Variants in ARHGAP42 observed in about 807,000 individuals in gnomAD.
ARHGAP42 encodes Rho GTPase activating protein 42.
In ARHGAP42, 63 loss-of-function variants were observed where a neutral mutation model predicts 125.0. The ratio of observed to expected loss-of-function variants is 0.50; its 90% CI spans 0.41 to 0.62. The LOEUF (loss-of-function observed/expected upper bound fraction) is 0.62. Ranked by LOEUF, ARHGAP42 falls within the 20% of genes least tolerant of loss-of-function variation. ARHGAP42 has a pLI of 0.00. For missense variants in ARHGAP42, 766 were observed against 1,024.2 expected, an observed-to-expected ratio of 0.75 and a Z score of 3.44; for synonymous variants, 339 against 351.0, an observed-to-expected ratio of 0.97 and a Z score of 0.38.
intron 1 of ARHGAP42, among the ~76,000 whole-genome samples, chr11:100,754,635 G>T (rs1302963916): frequency 6.6e-6 from 1 of 152,130 alleles, no homozygotes; most frequent in African/African-American, 2.4e-5. Context: ...TTTTTAAAAA[G>T]AATGCTGTTT....
intron 2 of ARHGAP42, among the ~76,000 whole-genome samples, chr11:100,789,253 GCTTTTATAGA>G (rs1234686542): frequency 2.0e-5 from 3 of 152,150 alleles, no homozygotes; most frequent in Non-Finnish European, 4.4e-5. Context: ...GTTCAATCTG[GCTTTTATAGA>G]CTTCTATAGA....
At chr11:100,699,506 ATTTTTTTTTTTTT>A (rs869243290) in intron 1 of ARHGAP42, among the ~76,000 whole-genome samples, 462 of 31,466 alleles carry the variant, frequency 0.015, 3 homozygotes, top group Middle Eastern at 0.053. Context: ...ATATATATAT[ATTTTTTTTTTTTT>A]TTTTTTTTTT....
At chr11:100,909,255 T>A (rs1203590125) in intron 4 of ARHGAP42, among the ~76,000 whole-genome samples, 1 of 152,052 alleles carries the variant, frequency 6.6e-6, no homozygotes, top group African/African-American at 2.4e-5. Flanking sequence ...ATTTTTTGTT[T>A]GTGTTGCATT....
At chr11:100,909,164 T>G (rs928828326) in intron 4 of ARHGAP42, among the ~76,000 whole-genome samples, 12 of 152,194 alleles carry the variant, frequency 7.9e-5, no homozygotes, top group African/African-American at 2.7e-4. Flanking sequence ...TGCAAATACT[T>G]TCTCCCATTC....
At chr11:100,876,003 G>C (rs191244721) in intron 4 of ARHGAP42, among the ~76,000 whole-genome samples, 9 of 149,798 alleles carry the variant, frequency 6.0e-5, no homozygotes, top group Admixed American at 2.7e-4. Flanking sequence ...AATATAAAAT[G>C]CTTAACTCTT....
intron 2 of ARHGAP42, among the ~76,000 whole-genome samples, chr11:100,779,135 G>T (rs1863204549): frequency 6.6e-6 from 1 of 151,960 alleles, no homozygotes; most frequent in Non-Finnish European, 1.5e-5. Context: ...TAGAATTTTA[G>T]AGCCTTATAT....
At chr11:100,977,310 C>G (rs1858419129) in intron 21 of ARHGAP42, among the ~76,000 whole-genome samples, 1 of 152,206 alleles carries the variant, frequency 6.6e-6, no homozygotes, top group African/African-American at 2.4e-5. Flanking sequence ...ATCCATCTCT[C>G]CGCTGAAGAG....
intron 5 of ARHGAP42, among the ~76,000 whole-genome samples, chr11:100,920,713 T>C (rs1321510685): frequency 6.6e-6 from 1 of 152,174 alleles, no homozygotes; most frequent in Non-Finnish European, 1.5e-5. Flanking sequence ...TCAGTAATAC[T>C]CTCTCATACT....
intron 2 of ARHGAP42, among the ~76,000 whole-genome samples, chr11:100,785,911 A>G (rs1224080999): frequency 6.6e-6 from 1 of 152,178 alleles, no homozygotes; most frequent in Non-Finnish European, 1.5e-5. Flanking sequence ...GGGAGAGAAC[A>G]GACTTTGGAA....
chr11:100,953,816 A>G (rs525940), intron 12 of ARHGAP42, among the ~76,000 whole-genome samples: 132,944 of 151,748 alleles, frequency 0.88, 58,247 homozygotes, highest in East Asian at 1. Flanking sequence ...TGCAATATCC[A>G]TGAAATTGTA....
chr11:100,889,259 A>G (rs994977645), intron 4 of ARHGAP42, among the ~76,000 whole-genome samples: 1 of 152,234 alleles, frequency 6.6e-6, no homozygotes, highest in African/African-American at 2.4e-5. Context: ...TCTCCAATGC[A>G]GTAATGTTGA....
intron 4 of ARHGAP42, among the ~76,000 whole-genome samples, chr11:100,889,494 C>T (rs528990264): frequency 1.3e-5 from 2 of 152,220 alleles, no homozygotes; most frequent in South Asian, 2.1e-4. Flanking sequence ...TCTTGGACTT[C>T]TCACTTCCCA....
intron 8 of ARHGAP42, among the ~76,000 whole-genome samples, chr11:100,938,335 G>A (rs907169665): frequency 6.6e-6 from 1 of 152,002 alleles, no homozygotes; most frequent in African/African-American, 2.4e-5. Flanking sequence ...CTTCTAAAAT[G>A]CTTCTTTGGT....
chr11:100,992,686 G>C lies in ARHGAP42; in HGVS notation c.*3885G>C. The C allele has an allele frequency of 6.3e-7, 1 of 1,585,958 alleles. No individual in the cohort carries two copies. The highest frequency in any genetic ancestry group is 1.2e-5 in the South Asian group (1 of 85,896). On this transcript the variant is annotated 3_prime_UTR_variant, in exon 24 of 24. Transcript: ENST00000298815. ...TTGGTAATAACGTTGGGAAAATGCA[G>C]GTTTATGAATGATGTGGACTTTTAG...
chr11:100,803,801 A>T (rs1263839792), intron 3 of ARHGAP42, among the ~76,000 whole-genome samples: 2 of 152,074 alleles, frequency 1.3e-5, no homozygotes, highest in Admixed American at 6.5e-5. Flanking sequence ...TTTCTTGGCT[A>T]TATCTTTGTC....
At chr11:100,790,363 G>A (rs1326165676) in intron 2 of ARHGAP42, among the ~76,000 whole-genome samples, 1 of 151,762 alleles carries the variant, frequency 6.6e-6, no homozygotes. Context: ...TGTTCTGAAA[G>A]TGTTTTTCCA....
intron 1 of ARHGAP42, among the ~76,000 whole-genome samples, chr11:100,769,709 CTTCTTTTTTTTT>C (rs1565206280): frequency 3.6e-5 from 4 of 111,002 alleles, no homozygotes; most frequent in African/African-American, 7.2e-5. Context: ...AGTAGCATTC[CTTCTTTTTTTTT>C]TTTTTTTTTT....
chr11:100,732,732 A>T (rs1861981414), intron 1 of ARHGAP42, among the ~76,000 whole-genome samples: 1 of 152,196 alleles, frequency 6.6e-6, no homozygotes, highest in Non-Finnish European at 1.5e-5. Flanking sequence ...ATAGTGAGTG[A>T]CTGGCTTATG....
At chr11:100,961,594 T>C (rs1857956226) in intron 14 of ARHGAP42, 90 bp from the exon 15 acceptor site, 9 of 1,079,698 alleles carry the variant, frequency 8.3e-6, no homozygotes, top group African/African-American at 4.8e-5. Context: ...CTCTCTCTTT[T>C]GACCTACTTA....
Sources: allele counts gnomAD v4.1 joint callset (sites outside exome capture counted in the v4.1 genomes callset), GRCh38; gene constraint gnomAD v4.1.1; transcripts MANE v1.5; gene names NCBI Gene and HGNC (gene_info 2026-07-23, HGNC 2026-07-21).